Variants in SHOC1 observed in about 807,000 individuals in gnomAD.
SHOC1 encodes the protein shortage in chiasmata 1, also known as protein shortage in chiasmata 1 ortholog.
Under a neutral mutation model 179.2 loss-of-function variants are expected in SHOC1, and 136 were observed. The observed-to-expected ratio is 0.76, with a 90% CI of 0.66 to 0.87. The LOEUF is 0.87. SHOC1 is among the 40% of genes least tolerant of loss of function. SHOC1 has a pLI of 0.00. For synonymous variants in SHOC1, 489 were observed against 586.6 expected, an observed-to-expected ratio of 0.83 and a Z score of 2.41; for missense variants, 1,538 against 1,700.8, an observed-to-expected ratio of 0.90 and a Z score of 1.68.
chr9:111,768,561 A>G (rs1835444846), intron 5 of SHOC1, among the ~76,000 whole-genome samples: 1 of 152,216 alleles, frequency 6.6e-6, no homozygotes, highest in Non-Finnish European at 1.5e-5. Flanking sequence ...GAATTCACTT[A>G]TCAACTCAGT....
At chr9:111,735,208 A>C (rs879740663) in intron 12 of SHOC1, among the ~76,000 whole-genome samples, 7 of 151,608 alleles carry the variant, frequency 4.6e-5, no homozygotes, top group Non-Finnish European at 1.0e-4. Flanking sequence ...TTTATACTTT[A>C]AGTTCTGGGA....
Position 111,705,229 on chromosome 9 carries a change from G to T in SHOC1, c.2855+18C>A. The T allele has an allele frequency of 7.9e-7, 1 of 1,263,642 alleles. No individual in the cohort carries two copies. Among genetic ancestry groups the T allele is most frequent in the Non-Finnish European group, 1.1e-6 (1 of 895,052 alleles). 78.3% of individuals were successfully genotyped at this position (1,263,642 alleles called of 1,614,324 possible). On this transcript the variant is annotated intron_variant, in intron 21 of 27. Coordinates refer to ENST00000682961, the MANE Select transcript of SHOC1 (RefSeq NM_001378211.1). ...TATAATGTACACTTTTGTTAAAATT[G>T]TGAAATCAATAACTTACTTGGATTC...
At chr9:111,745,750 G>T (rs1427137142) in intron 10 of SHOC1, among the ~76,000 whole-genome samples, 1 of 152,142 alleles carries the variant, frequency 6.6e-6, no homozygotes, top group Non-Finnish European at 1.5e-5. Context: ...GTATTTGTTA[G>T]GGCAGCCCTA....
At chr9:111,686,938 C>CTTT in intron 27 of SHOC1, 68 bp from the exon 28 acceptor site, 9 of 725,404 alleles carry the variant, frequency 1.2e-5, no homozygotes, top group Admixed American at 4.7e-5. Flanking sequence ...TTTTTCTTTT[C>CTTT]CTTTTTTTTT....
At chr9:111,723,216 A>T (rs1384870537) in intron 14 of SHOC1, among the ~76,000 whole-genome samples, 3 of 152,024 alleles carry the variant, frequency 2.0e-5, no homozygotes, top group East Asian at 3.8e-4. Context: ...ACAATGAAAA[A>T]TTTTTTCCAG....
At chr9:111,730,280 A>G (rs570770625) in intron 12 of SHOC1, among the ~76,000 whole-genome samples, 1 of 152,326 alleles carries the variant, frequency 6.6e-6, no homozygotes, top group South Asian at 2.1e-4. Flanking sequence ...AAGAATAAGG[A>G]ATGTTCTTAA....
At chr9:111,756,512 A>G in intron 7 of SHOC1, 34 bp from the exon 8 acceptor site, 1 of 1,550,144 alleles carries the variant, frequency 6.5e-7, no homozygotes, top group East Asian at 2.3e-5. Context: ...GTTTTTAGAG[A>G]GGCTTTCCAA....
chr9:111,777,469 C>T (rs1008635462), intron 4 of SHOC1, among the ~76,000 whole-genome samples: 1 of 152,172 alleles, frequency 6.6e-6, no homozygotes, highest in Non-Finnish European at 1.5e-5. Context: ...CTTAAAGGTT[C>T]GAGGCAGGAT....
chr9:111,756,589 TC>T, intron 7 of SHOC1, 111 bp from the exon 8 acceptor site: 1 of 858,866 alleles, frequency 1.2e-6, no homozygotes, highest in Non-Finnish European at 1.8e-6. Flanking sequence ...TTAAACTAAA[TC>T]CACATTCAAA....
At chr9:111,748,364 C>G (rs1469450804) in intron 8 of SHOC1, among the ~76,000 whole-genome samples, 165 bp from the exon 9 acceptor site, 1 of 152,186 alleles carries the variant, frequency 6.6e-6, no homozygotes, top group Non-Finnish European at 1.5e-5. Flanking sequence ...AAAATGCTAA[C>G]TTAGGTAAAT....
At chr9:111,782,210 T>G (rs1048162283) in intron 3 of SHOC1, among the ~76,000 whole-genome samples, 1 of 151,996 alleles carries the variant, frequency 6.6e-6, no homozygotes, top group Non-Finnish European at 1.5e-5. Context: ...AGACTTCATA[T>G]CAAAATAAAA....
chr9:111,695,890 A>C (rs1202132075), intron 24 of SHOC1, among the ~76,000 whole-genome samples: 1 of 152,206 alleles, frequency 6.6e-6, no homozygotes, highest in African/African-American at 2.4e-5. Flanking sequence ...ACAGCGATGC[A>C]AAAACAATAA....
At chr9:111,726,763 C>G (rs1367763263) in intron 13 of SHOC1, among the ~76,000 whole-genome samples, 1 of 152,070 alleles carries the variant, frequency 6.6e-6, no homozygotes. Flanking sequence ...TACTTTGATT[C>G]CTCAACAATG....
chr9:111,790,727 T>C (rs570384232), intron 2 of SHOC1, among the ~76,000 whole-genome samples: 2 of 152,188 alleles, frequency 1.3e-5, no homozygotes, highest in South Asian at 2.1e-4. Flanking sequence ...TTTGTATTTT[T>C]AGTAGAGACA....
chr9:111,731,663 AT>A (rs1833575722), intron 12 of SHOC1, among the ~76,000 whole-genome samples: 1 of 152,242 alleles, frequency 6.6e-6, no homozygotes, highest in South Asian at 2.1e-4. Flanking sequence ...TAAGAAAAAA[AT>A]ACTTACTATT....
rs1305079108 is a variant in SHOC1 at position 111,743,061 on chromosome 9, C to G, written c.1080-1491G>C. ...CCATACAGACTTTTCTTTTTTAGCC[C>G]ATAAAATCTAGCATAGAATCTTATA... On this transcript the variant is annotated intron_variant, in intron 10 of 27. Coordinates refer to ENST00000682961, the MANE Select transcript of SHOC1 (RefSeq NM_001378211.1). Among the ~76,000 whole-genome samples the G allele has an allele frequency of 3.9e-5, 6 of 152,028 alleles. No individual in the cohort carries two copies. The East Asian group carries it at 7.7e-4, about 20-fold the overall frequency.
chr9:111,790,457 A>C (rs1836408180), intron 2 of SHOC1, among the ~76,000 whole-genome samples: 1 of 152,160 alleles, frequency 6.6e-6, no homozygotes, highest in South Asian at 2.1e-4. Flanking sequence ...AAATCACCCC[A>C]CACTTGTCAA....
intron 24 of SHOC1, among the ~76,000 whole-genome samples, chr9:111,698,468 G>T (rs1222730338): frequency 6.6e-6 from 1 of 152,070 alleles, no homozygotes; most frequent in East Asian, 1.9e-4. Context: ...CCCATTTCTT[G>T]TTTTTGTCAG....
chr9:111,716,217 A>G lies in SHOC1; in HGVS notation c.2237-1594T>C, dbSNP rs188782133. 2.4e-3 allele frequency among the ~76,000 whole-genome samples: 361 copies of G among 152,200 alleles called. 1 individual carries two copies. Among genetic ancestry groups the G allele is most frequent in the African/African-American group, 7.9e-3 (326 of 41,508 alleles). On this transcript the variant is annotated intron_variant, in intron 16 of 27. Transcript: ENST00000682961. ...TTAAGGTAGATAAATAGTAATGCCA[A>G]AGTATGATTTAGTAACTGCATGTCT...
Sources: gnomAD v4.1 joint callset for allele counts (sites outside exome capture counted in the v4.1 genomes callset) on GRCh38, gnomAD v4.1.1 for gene constraint, MANE v1.5 for transcripts, NCBI Gene and HGNC (gene_info 2026-07-23, HGNC 2026-07-21) for gene names.